KAZN: variants seen among roughly 807,000 people sequenced by gnomAD.
KAZN encodes kazrin, periplakin interacting protein, also known as kazrin.
Under a neutral mutation model 87.4 loss-of-function variants are expected in KAZN, and 40 were observed. The observed-to-expected ratio is 0.46, with a 90% CI of 0.36 to 0.60. The LOEUF is 0.60. KAZN is among the 20% of genes least tolerant of loss of function. KAZN has a pLI of 0.00. For synonymous variants in KAZN, 466 were observed against 458.3 expected, an observed-to-expected ratio of 1.02 and a Z score of -0.22; for missense variants, 898 against 1,073.9, an observed-to-expected ratio of 0.84 and a Z score of 2.29.
intron 1 of KAZN, among the ~76,000 whole-genome samples, chr1:14,171,839 CT>C (rs1408687046): frequency 6.6e-6 from 1 of 152,138 alleles, no homozygotes; most frequent in Non-Finnish European, 1.5e-5. Context: ...ATTTCATGGG[CT>C]ATACTTCATC....
At chr1:14,781,775 G>A (rs1170986232) in intron 1 of KAZN, among the ~76,000 whole-genome samples, 2 of 152,174 alleles carry the variant, frequency 1.3e-5, no homozygotes, top group Non-Finnish European at 2.9e-5. Flanking sequence ...AGACCAGCCT[G>A]GGCATGAAAA....
chr1:15,101,195 C>CTCTCT (rs1573306238), intron 10 of KAZN, among the ~76,000 whole-genome samples: 4 of 60,460 alleles, frequency 6.6e-5, no homozygotes, highest in African/African-American at 9.6e-5. Context: ...TCTGCCTCTT[C>CTCTCT]CTCTTTGTTC....
intron 2 of KAZN, among the ~76,000 whole-genome samples, chr1:14,317,559 T>C (rs1655740633): frequency 6.6e-6 from 1 of 152,022 alleles, no homozygotes; most frequent in Non-Finnish European, 1.5e-5. Flanking sequence ...TGAAGTCTAT[T>C]ATTTTGCTAT....
chr1:13,919,139 A>C (rs1201439320), intron 1 of KAZN, among the ~76,000 whole-genome samples: 2 of 152,246 alleles, frequency 1.3e-5, no homozygotes, highest in African/African-American at 2.4e-5. Context: ...ACATCTGTAT[A>C]ACCACTTCTC....
intron 1 of KAZN, among the ~76,000 whole-genome samples, chr1:13,967,310 C>T (rs896270889): frequency 8.5e-5 from 13 of 152,128 alleles, no homozygotes; most frequent in Non-Finnish European, 1.6e-4. Context: ...CTCTCACCTA[C>T]CCTGCAAGGA....
chr1:13,943,283 A>G (rs902523909), intron 1 of KAZN, among the ~76,000 whole-genome samples: 3 of 152,208 alleles, frequency 2.0e-5, no homozygotes, highest in Non-Finnish European at 4.4e-5. Context: ...CCAGAAGACA[A>G]TGGAATGGCA....
intron 1 of KAZN, among the ~76,000 whole-genome samples, chr1:14,119,232 G>A (rs1644698730): frequency 6.6e-6 from 1 of 152,094 alleles, no homozygotes; most frequent in African/African-American, 2.4e-5. Flanking sequence ...GTCTGTAGGG[G>A]AGCAGGCAGA....
intron 1 of KAZN, among the ~76,000 whole-genome samples, chr1:14,722,170 A>C (rs1356856983): frequency 6.6e-6 from 1 of 151,154 alleles, no homozygotes; most frequent in African/African-American, 2.5e-5. Flanking sequence ...AAAGAATAAA[A>C]AATAAAAAAT....
chr1:14,806,933 C>G (rs116539887), intron 1 of KAZN, among the ~76,000 whole-genome samples: 78 of 152,312 alleles, frequency 5.1e-4, no homozygotes, highest in African/African-American at 1.4e-3. Context: ...CTTGCAGAGA[C>G]CAGAAAGCTG....
chr1:14,634,120 C>T (rs1434892924), intron 1 of KAZN, among the ~76,000 whole-genome samples: 1 of 152,092 alleles, frequency 6.6e-6, no homozygotes, highest in Non-Finnish European at 1.5e-5. Context: ...TGCCTAGTTC[C>T]TATTACTGTC....
rs368606597 is a variant in KAZN at position 14,905,741 on chromosome 1, G to T, written c.227-54943G>T. On this transcript the variant is annotated intron_variant, in intron 1 of 14. Coordinates refer to ENST00000376030, the MANE Select transcript of KAZN (RefSeq NM_201628.3). ...TGCCTGTAATCCCGGCTACTCGGGA[G>T]GCTGAGGCAGGAGAATGGCGTGAAC... Among the ~76,000 whole-genome samples the T allele has an allele frequency of 1.6e-4, 24 of 148,852 alleles. No individual in the cohort carries two copies. The South Asian group carries it at 4.5e-3, about 28-fold the overall frequency.
intron 2 of KAZN, among the ~76,000 whole-genome samples, chr1:14,402,750 A>C (rs1663520439): frequency 6.6e-6 from 1 of 152,220 alleles, no homozygotes; most frequent in African/African-American, 2.4e-5. Flanking sequence ...ATTATAATGA[A>C]AACTATGACA....
intron 8 of KAZN, among the ~76,000 whole-genome samples, chr1:15,083,362 G>A (rs545034326): frequency 1.1e-4 from 16 of 152,298 alleles, no homozygotes; most frequent in African/African-American, 3.8e-4. Context: ...ATGGTGCACT[G>A]GGCCTGTCCG....
chr1:14,940,761 C>T (rs78429959), intron 1 of KAZN, among the ~76,000 whole-genome samples: 2,626 of 152,220 alleles, frequency 0.017, 32 homozygotes, highest in Non-Finnish European at 0.028. Context: ...AGCCATCAGG[C>T]AGCCCCTCTG....
intron 1 of KAZN, among the ~76,000 whole-genome samples, chr1:14,010,123 T>A (rs1445038678): frequency 1.4e-5 from 2 of 145,044 alleles, no homozygotes; most frequent in East Asian, 3.9e-4. Context: ...AGCTATAACT[T>A]TTTTTTTTAC....
rs1045447043 is a variant in KAZN at position 14,773,465 on chromosome 1, C to T, written c.226+174242C>T. Among the ~76,000 whole-genome samples the T allele has an allele frequency of 2.6e-5, 4 of 152,082 alleles. No homozygotes were observed. The highest frequency in any genetic ancestry group is 2.1e-4 in the South Asian group (1 of 4,826). ...ATCAACTCTGCACTAAGGTGTGAAA[C>T]GTAAACACCCCCGAGGGAGGAAGGC... On this transcript the variant is annotated intron_variant, in intron 1 of 14. Coordinates refer to ENST00000376030, the MANE Select transcript of KAZN (RefSeq NM_201628.3). The surrounding 1 kb of genome is among the most constrained non-coding windows in gnomAD (Gnocchi z 5.9).
At chr1:14,454,042 G>A (rs1667428388) in intron 2 of KAZN, among the ~76,000 whole-genome samples, 1 of 152,160 alleles carries the variant, frequency 6.6e-6, no homozygotes, top group Non-Finnish European at 1.5e-5. Context: ...CACAGGCAAT[G>A]AGCCTTTTCT....
At chr1:14,714,736 G>T (rs943888712) in intron 1 of KAZN, among the ~76,000 whole-genome samples, 4 of 151,004 alleles carry the variant, frequency 2.6e-5, no homozygotes, top group East Asian at 3.9e-4. Context: ...GATAGGTCTT[G>T]GTTTTCACAC....
intron 1 of KAZN, among the ~76,000 whole-genome samples, chr1:14,119,235 C>A (rs1644698832): frequency 6.6e-6 from 1 of 152,118 alleles, no homozygotes; most frequent in African/African-American, 2.4e-5. Flanking sequence ...TGTAGGGGAG[C>A]AGGCAGATTT....
Sources: allele counts gnomAD v4.1 joint callset (sites outside exome capture counted in the v4.1 genomes callset), GRCh38; gene constraint gnomAD v4.1.1; non-coding constraint Gnocchi (gnomAD v3.1); transcripts MANE v1.5; gene names NCBI Gene and HGNC (gene_info 2026-07-23, HGNC 2026-07-21).